Variants in AEBP2 observed in about 807,000 individuals in gnomAD.
The protein encoded by AEBP2 is zinc finger protein AEBP2.
Under a neutral mutation model 50.8 loss-of-function variants are expected in AEBP2, and 10 were observed. That is an observed-to-expected ratio of 0.20 (90% confidence interval 0.12 to 0.33). The LOEUF is 0.33. AEBP2 is among the 10% of genes least tolerant of loss of function. The pLI, the probability that AEBP2 is intolerant of heterozygous loss-of-function variation, is 1.00. For missense variants in AEBP2, 570 were observed against 688.0 expected, an observed-to-expected ratio of 0.83 and a Z score of 1.92; for synonymous variants, 296 against 261.3, an observed-to-expected ratio of 1.13 and a Z score of -1.28.
chr12:19,471,536 G>C (rs1948573531), intron 2 of AEBP2, among the ~76,000 whole-genome samples: 1 of 151,266 alleles, frequency 6.6e-6, no homozygotes, highest in Non-Finnish European at 1.5e-5. Flanking sequence ...AGGTCTCACT[G>C]TGTCACCTAC....
At chr12:19,483,094 A>C (rs1420198342) in intron 3 of AEBP2, among the ~76,000 whole-genome samples, 4 of 152,126 alleles carry the variant, frequency 2.6e-5, no homozygotes, top group African/African-American at 9.7e-5. Flanking sequence ...CTGCTCAAGA[A>C]AATCCATGTC....
chr12:19,489,108 G>T (rs981591410), intron 3 of AEBP2, among the ~76,000 whole-genome samples: 4 of 152,024 alleles, frequency 2.6e-5, no homozygotes, highest in Admixed American at 6.6e-5. Context: ...TAATATATAG[G>T]GTATTTCAGT....
chr12:19,448,522 C>T (rs1426153691), intron 1 of AEBP2, among the ~76,000 whole-genome samples: 2 of 151,922 alleles, frequency 1.3e-5, no homozygotes, highest in Admixed American at 1.3e-4. Flanking sequence ...CTCATATATA[C>T]TTGCAGAACT....
chr12:19,407,876 C>T (rs2095737164), intron 1 of AEBP2, among the ~76,000 whole-genome samples: 1 of 151,892 alleles, frequency 6.6e-6, no homozygotes, highest in South Asian at 2.1e-4. Flanking sequence ...TGGAGAAACT[C>T]CGTCTCTACT....
chr12:19,411,266 G>A (rs1335146442), intron 1 of AEBP2, among the ~76,000 whole-genome samples: 1 of 152,156 alleles, frequency 6.6e-6, no homozygotes, highest in African/African-American at 2.4e-5. Context: ...ACTCTTAGCT[G>A]GAGTGTTAGA....
chr12:19,469,335 A>T (rs2153371537), intron 2 of AEBP2, among the ~76,000 whole-genome samples: 1 of 152,316 alleles, frequency 6.6e-6, no homozygotes, highest in East Asian at 1.9e-4. Flanking sequence ...AGTGTCTAAT[A>T]TAAACCCAGT....
At chr12:19,405,864 C>G (rs1565692169) in intron 1 of AEBP2, among the ~76,000 whole-genome samples, 1 of 151,908 alleles carries the variant, frequency 6.6e-6, no homozygotes, top group African/African-American at 2.4e-5. Flanking sequence ...GTACAGTGGG[C>G]CATCTCAGCT....
intron 3 of AEBP2, among the ~76,000 whole-genome samples, chr12:19,484,411 T>A (rs1948776441): frequency 1.3e-5 from 2 of 151,702 alleles, no homozygotes; most frequent in Non-Finnish European, 2.9e-5. Flanking sequence ...TGCTGTGCTC[T>A]GTTGCCAGGC....
At chr12:19,493,262 A>G (rs1948920999) in intron 3 of AEBP2, among the ~76,000 whole-genome samples, 2 of 152,088 alleles carry the variant, frequency 1.3e-5, no homozygotes, top group Non-Finnish European at 1.5e-5. Context: ...TTAGCCAGGC[A>G]TGGTAGCACA....
Position 19,518,079 on chromosome 12 carries a change from T to C in AEBP2, c.1482-8T>C. The C allele has an allele frequency of 6.3e-7, 1 of 1,595,608 alleles. No homozygotes were observed. Among genetic ancestry groups the C allele is most frequent in the South Asian group, 1.2e-5 (1 of 86,940 alleles). Reference sequence around the variant, plus strand: ...TGAATAAAAGGATTTCTTTTTCTCTTTTTCTAGAACAATGCCGCAGAAGAG... The same window carrying C: ...TGAATAAAAGGATTTCTTTTTCTCTCTTTCTAGAACAATGCCGCAGAAGAG... On this transcript the variant is annotated splice_region_variant and splice_polypyrimidine_tract_variant and intron_variant, in intron 7 of 7. Transcript: ENST00000266508.
Position 19,465,798 on chromosome 12 carries a change from T to C in AEBP2, c.879+3081T>C, listed in dbSNP as rs527357163. On this transcript the variant is annotated intron_variant, in intron 2 of 7. Transcript: ENST00000266508. ...CTTTTGTGATTGTTTTTTCTTTTTT[T>C]TTTTTTTTTTTGAGATGGAGTGTTG... Among the ~76,000 whole-genome samples the C allele has an allele frequency of 3.3e-5, 5 of 149,574 alleles. No individual in the cohort carries two copies. The South Asian group carries it at 6.4e-4, about 19-fold the overall frequency.
upstream of AEBP2, among the ~76,000 whole-genome samples, chr12:19,437,698 T>C (rs1947874487): frequency 6.6e-6 from 1 of 152,238 alleles, no homozygotes; most frequent in African/African-American, 2.4e-5. Flanking sequence ...ACATTCCTTA[T>C]CTAAGATTGC....
intron 2 of AEBP2, 56 bp downstream of exon 2, chr12:19,462,773 A>G: frequency 1.4e-6 from 2 of 1,480,148 alleles, no homozygotes; most frequent in Non-Finnish European, 1.8e-6. Context: ...TTATTAATTT[A>G]TAATTGCTAG....
chr12:19,454,432 A>G (rs559955270), intron 1 of AEBP2, among the ~76,000 whole-genome samples: 48 of 152,236 alleles, frequency 3.2e-4, no homozygotes, highest in Admixed American at 8.5e-4. Context: ...AAGGTCTTTA[A>G]TTGGTTAAGG....
chr12:19,494,108 G>A, intron 4 of AEBP2, 122 bp downstream of exon 4: 1 of 1,076,300 alleles, frequency 9.3e-7, no homozygotes, highest in Non-Finnish European at 1.3e-6. Context: ...CAGGTAGGAT[G>A]CCTGTCTGTC....
intron 2 of AEBP2, among the ~76,000 whole-genome samples, chr12:19,464,643 A>G (rs1389805627): frequency 6.6e-6 from 1 of 151,550 alleles, no homozygotes; most frequent in African/African-American, 2.4e-5. Context: ...CTGGAGGGTA[A>G]TGGTGCGGTC....
At chr12:19,505,345 A>G (rs1191484512) in intron 5 of AEBP2, among the ~76,000 whole-genome samples, 5 of 152,232 alleles carry the variant, frequency 3.3e-5, no homozygotes, top group African/African-American at 9.6e-5. Flanking sequence ...TATTAAGGTG[A>G]TCATTAAATA....
intron 2 of AEBP2, among the ~76,000 whole-genome samples, chr12:19,464,959 A>G (rs1423801767): frequency 6.6e-6 from 1 of 152,146 alleles, no homozygotes; most frequent in Non-Finnish European, 1.5e-5. Flanking sequence ...CCTTATTGAT[A>G]TTATAGAATT....
chr12:19,441,503 G>T (rs896184288), intron 1 of AEBP2, among the ~76,000 whole-genome samples: 1 of 152,224 alleles, frequency 6.6e-6, no homozygotes, highest in East Asian at 1.9e-4. Context: ...TTTAGTGGTC[G>T]ATAGTGATTT....
Sources: allele counts gnomAD v4.1 joint callset (sites outside exome capture counted in the v4.1 genomes callset), GRCh38; gene constraint gnomAD v4.1.1; transcripts MANE v1.5; gene names NCBI Gene and HGNC (gene_info 2026-07-23, HGNC 2026-07-21).